The following ERC2 variants were observed in gnomAD, a reference collection of about 807,000 sequenced individuals.
ERC2 encodes the protein ELKS/RAB6-interacting/CAST family member 2.
ERC2 carries 42 observed loss-of-function variants against 114.8 expected under a neutral mutation model. The observed-to-expected ratio is 0.37, with a 90% CI of 0.29 to 0.47. The LOEUF is 0.47. Ranked by LOEUF, ERC2 falls within the 20% of genes least tolerant of loss-of-function variation. The pLI, the probability that ERC2 is intolerant of heterozygous loss-of-function variation, is 0.99. For missense variants in ERC2, 939 were observed against 1,150.7 expected (o/e 0.82, Z 2.66); for synonymous variants, 454 against 425.5 (o/e 1.07, Z -0.82).
chr3:56,468,193 G>T (rs1215924222), intron 1 of ERC2, 55 bp downstream of exon 1: 1 of 152,112 alleles, frequency 6.6e-6, no homozygotes. Flanking sequence ...CCGGGCACGG[G>T]CGCCCCGAGG....
At chr3:55,840,595 C>A (rs2061089451) in intron 14 of ERC2, among the ~76,000 whole-genome samples, 1 of 151,950 alleles carries the variant, frequency 6.6e-6, no homozygotes, top group Non-Finnish European at 1.5e-5. Flanking sequence ...GTCCAGCATA[C>A]CCTACCATAT....
intron 1 of ERC2, among the ~76,000 whole-genome samples, chr3:56,449,365 G>A (rs2062728744): frequency 6.6e-6 from 1 of 152,180 alleles, no homozygotes; most frequent in African/African-American, 2.4e-5. Context: ...TGGTCCCTTG[G>A]ACTCTTCCTC....
chr3:56,159,133 G>C (rs971365504), intron 4 of ERC2, among the ~76,000 whole-genome samples: 11 of 152,086 alleles, frequency 7.2e-5, no homozygotes, highest in African/African-American at 2.7e-4. Context: ...CCATCTGACT[G>C]TGACTCCTCC....
chr3:55,715,524 A>T (rs538736745), intron 15 of ERC2, among the ~76,000 whole-genome samples: 1 of 152,304 alleles, frequency 6.6e-6, no homozygotes, highest in South Asian at 2.1e-4. Context: ...ACCCAGACAT[A>T]AAGGAGTGGA....
At chr3:56,351,839 C>T (rs2058564767) in intron 2 of ERC2, among the ~76,000 whole-genome samples, 2 of 152,148 alleles carry the variant, frequency 1.3e-5, no homozygotes, top group Admixed American at 1.3e-4. Context: ...TGTAGGGAAC[C>T]AGACATAGTC....
At chr3:56,084,809 G>C (rs141275035) in intron 6 of ERC2, among the ~76,000 whole-genome samples, 1 of 148,512 alleles carries the variant, frequency 6.7e-6, no homozygotes, top group Non-Finnish European at 1.5e-5. Flanking sequence ...ACCACTATAC[G>C]ATTTACTCAT....
At chr3:56,316,526 T>G (rs1298162423) in intron 2 of ERC2, among the ~76,000 whole-genome samples, 4 of 152,210 alleles carry the variant, frequency 2.6e-5, no homozygotes, top group Non-Finnish European at 4.4e-5. Flanking sequence ...CTGTTTAATC[T>G]CTGGAAAGTT....
intron 5 of ERC2, among the ~76,000 whole-genome samples, chr3:56,145,499 C>G (rs1048247998): frequency 2.6e-5 from 4 of 152,176 alleles, no homozygotes; most frequent in Non-Finnish European, 5.9e-5. Flanking sequence ...TCCATGGCCT[C>G]CAAGATTCAG....
chr3:56,074,046 G>A (rs1449237512), intron 7 of ERC2, among the ~76,000 whole-genome samples: 4 of 151,932 alleles, frequency 2.6e-5, no homozygotes, highest in Non-Finnish European at 5.9e-5. Flanking sequence ...CATCTCTGCT[G>A]GTTTTGTCCT....
In ERC2 at chr3:55,683,892, A is replaced by T. The variant is rs771156032; in HGVS notation, c.2848-33T>A. ...CGGCCCGAGGTGGGGAGGTGCACAG[A>T]GAGGAGGGGAGCACCAGAATGAAAG... On this transcript the variant is annotated intron_variant, in intron 16 of 17. Coordinates refer to ENST00000288221, the MANE Select transcript of ERC2 (RefSeq NM_015576.3). 120 of 1,606,760 alleles carry T rather than the reference A, an allele frequency of 7.5e-5. 1 individual carries two copies. In the East Asian group the frequency reaches 2.6e-3, roughly 35 times the overall value.
chr3:55,975,499 T>C (rs943625659), intron 12 of ERC2, among the ~76,000 whole-genome samples: 3 of 152,186 alleles, frequency 2.0e-5, no homozygotes, highest in Non-Finnish European at 4.4e-5. Flanking sequence ...ACAAGGAGGA[T>C]AGAGATACAG....
chr3:55,676,496 C>A (rs1430890474), intron 17 of ERC2, among the ~76,000 whole-genome samples: 1 of 149,924 alleles, frequency 6.7e-6, no homozygotes, highest in Non-Finnish European at 1.5e-5. Context: ...TTCAGCTTTT[C>A]ATATCCCTCC....
chr3:55,845,270 C>T (rs1000220355), intron 14 of ERC2, among the ~76,000 whole-genome samples: 2 of 151,978 alleles, frequency 1.3e-5, no homozygotes, highest in Non-Finnish European at 1.5e-5. Context: ...TTTGGGAGGC[C>T]GAGGCGGGCG....
At chr3:55,735,646 T>C (rs1387411495) in intron 14 of ERC2, among the ~76,000 whole-genome samples, 2 of 152,164 alleles carry the variant, frequency 1.3e-5, no homozygotes, top group Non-Finnish European at 2.9e-5. Context: ...GTTATATTGG[T>C]AATTAAGTTT....
At chr3:55,735,124 A>AG (rs1488833445) in intron 14 of ERC2, among the ~76,000 whole-genome samples, 1 of 152,182 alleles carries the variant, frequency 6.6e-6, no homozygotes, top group East Asian at 1.9e-4. Context: ...GCAGCCACTG[A>AG]GAGAGGAATC....
intron 3 of ERC2, among the ~76,000 whole-genome samples, chr3:56,250,314 C>T (rs2052056428): frequency 6.6e-6 from 1 of 152,214 alleles, no homozygotes; most frequent in South Asian, 2.1e-4. Flanking sequence ...AAATCTCCCA[C>T]AACATGAGGC....
chr3:55,860,226 A>T (rs571445246), intron 14 of ERC2, among the ~76,000 whole-genome samples: 1 of 152,268 alleles, frequency 6.6e-6, no homozygotes, highest in Non-Finnish European at 1.5e-5. Flanking sequence ...ATTTACTTGA[A>T]AGAGGAAAGA....
chr3:55,756,722 A>G (rs1457876274), intron 14 of ERC2, among the ~76,000 whole-genome samples: 4 of 152,194 alleles, frequency 2.6e-5, no homozygotes, highest in African/African-American at 9.6e-5. Flanking sequence ...CTAAGCCATT[A>G]AAATGCCTGG....
chr3:56,171,582 A>G (rs2082669137), intron 4 of ERC2, among the ~76,000 whole-genome samples: 1 of 152,246 alleles, frequency 6.6e-6, no homozygotes, highest in Non-Finnish European at 1.5e-5. Context: ...AGTGATAATA[A>G]GTAGAAATGA....
Sources: gnomAD v4.1 joint callset for allele counts (sites outside exome capture counted in the v4.1 genomes callset) on GRCh38, gnomAD v4.1.1 for gene constraint, MANE v1.5 for transcripts, NCBI Gene and HGNC (gene_info 2026-07-23, HGNC 2026-07-21) for gene names.